ARHGEF40: variants seen among roughly 807,000 people sequenced by gnomAD.
ARHGEF40 encodes Rho guanine nucleotide exchange factor 40, also known as Rho guanine nucleotide exchange factor (GEF) 40.
Under a neutral mutation model 165.9 loss-of-function variants are expected in ARHGEF40, and 98 were observed. That is an observed-to-expected ratio of 0.59 (90% CI 0.50 to 0.70). The LOEUF is 0.70. Ranked by LOEUF, ARHGEF40 falls within the 30% of genes least tolerant of loss-of-function variation. The pLI is 0.00. For missense variants in ARHGEF40, 1,815 were observed against 1,968.0 expected (o/e 0.92, Z 1.47); for synonymous variants, 792 against 814.3 (o/e 0.97, Z 0.47).
At position 21,075,093 on chromosome 14, in the gene ARHGEF40, G is replaced by C; in HGVS notation, c.1363G>C (p.Glu455Gln). 6.2e-7 allele frequency: 1 copy of C among 1,614,082 alleles called. No homozygotes were observed. The highest frequency in any genetic ancestry group is 1.1e-5 in the South Asian group (1 of 91,080). The stretch of plus-strand genomic sequence containing the variant: ...AGAGCTCAAAACAGCAGGCGAGAAA[G>C]AGCCTCAGCTCTCTGAAGCCTGTGG... ...PKELKTAGEK[E>Q]PQLSEACGPT... is the part of the protein sequence containing the mutation. The change falls in exon 3 of 24, where the codon GAG (glutamate) becomes CAG (glutamine). Residue 455 changes from glutamate to glutamine, a missense_variant. Physicochemically the swap from Glu to Gln is conservative, Grantham distance 29. Coordinates refer to ENST00000298694, the MANE Select transcript of ARHGEF40 (RefSeq NM_018071.5). This position sits in a 1 kb window ranked among gnomAD's most constrained non-coding sequence, Gnocchi z 4.5.
Position 21,075,853 on chromosome 14 carries a change from C to G in ARHGEF40, c.1739+88C>G. On this transcript the variant is annotated intron_variant, in intron 5 of 23. Transcript: ENST00000298694. The surrounding 1 kb of genome is among the most constrained non-coding windows in gnomAD (Gnocchi z 4.5). ...TCCTTCTTCTCAGGACACTGACCTT[C>G]TGACCTCTAAGGACACCTACTTCTT... The G allele has an allele frequency of 6.6e-7, 1 of 1,516,470 alleles. No individual in the cohort carries two copies. Among genetic ancestry groups the G allele is most frequent in the Non-Finnish European group, 8.9e-7 (1 of 1,121,750 alleles). The allele number at this position is 1,516,470 out of a possible 1,614,324, so 93.9% of individuals were successfully genotyped here. A position where few individuals can be genotyped will look rare whatever the true frequency, so the allele number is the denominator to read the frequency against.
intron 7 of ARHGEF40, 60 bp from the exon 8 acceptor site, chr14:21,076,714 C>T: frequency 6.2e-7 from 1 of 1,609,804 alleles, no homozygotes; most frequent in African/African-American, 1.3e-5. Context: ...GCTGGAGCCC[C>T]AGGCTGGTTT....
At position 21,072,888 on chromosome 14, in the gene ARHGEF40, C is replaced by G. The variant is rs1450699454; in HGVS notation, c.4-157C>G. Among the ~76,000 whole-genome samples, 1 of 152,246 alleles carries G rather than the reference C, an allele frequency of 6.6e-6. No individual in the cohort carries two copies. Among genetic ancestry groups the G allele is most frequent in the Non-Finnish European group, 1.5e-5 (1 of 68,046 alleles). Reference sequence around the variant, plus strand: ...ACTCTGGCCCAGCCCCACTCCTGTTCTGGGCTCATCAGCCAGCATTTCCTG... The same window carrying G: ...ACTCTGGCCCAGCCCCACTCCTGTTGTGGGCTCATCAGCCAGCATTTCCTG... On this transcript the variant is annotated intron_variant, in intron 1 of 23. Transcript: ENST00000298694. This position sits in a 1 kb window ranked among gnomAD's most constrained non-coding sequence, Gnocchi z 4.1.
At chr14:21,085,994 C>G in intron 19 of ARHGEF40, 128 bp downstream of exon 19, 3 of 1,097,376 alleles carry the variant, frequency 2.7e-6, no homozygotes, top group East Asian at 5.2e-5. Flanking sequence ...TAATAAGATT[C>G]AAGATTTGGC....
At position 21,087,384 on chromosome 14, in the gene ARHGEF40, C is replaced by A; in HGVS notation, c.4308C>A (p.Gly1436=). The change falls in exon 21 of 24, where the codon GGC becomes GGA. Residue 1436 remains glycine, a synonymous_variant. Transcript: ENST00000298694. ...AGCATGCCGGCCCCTCCCTTCCCGG[C>A]CTTTCGCCGGGAGCCTGCTCCCTGC... The part of the protein sequence containing the change: ...SFEHAGPSLP[G]LSPGACSLPA... The A allele has an allele frequency of 1.9e-6, 3 of 1,603,864 alleles. No homozygotes were observed. Among genetic ancestry groups the A allele is most frequent in the Non-Finnish European group, 2.5e-6 (3 of 1,179,872 alleles).
In ARHGEF40 at chr14:21,088,032, A is replaced by AC. The variant is rs758492903; in HGVS notation, c.4459dup (p.His1487ProfsTer28). On this transcript the variant is annotated frameshift_variant, in exon 22 of 24. Coordinates refer to ENST00000298694, the MANE Select transcript of ARHGEF40 (RefSeq NM_018071.5). LOFTEE classifies it high-confidence loss of function. The stretch of plus-strand genomic sequence containing the variant: ...GACCAAGAAACAGCCCCAGCCTGCA[A>AC]CCCCCCCACCCTGGGAGCAGCACTC... The AC allele has an allele frequency of 2.5e-5, 41 of 1,612,774 alleles. No individual in the cohort carries two copies. Among genetic ancestry groups the AC allele is most frequent in the African/African-American group, 1.2e-4 (9 of 74,480 alleles).
rs760036292 is a variant in ARHGEF40 at position 21,075,715 on chromosome 14, C to A, written c.1689C>A (p.Pro563=). The A allele has an allele frequency of 6.2e-7, 1 of 1,613,824 alleles. No individual in the cohort carries two copies. Among genetic ancestry groups the A allele is most frequent in the East Asian group, 2.2e-5 (1 of 44,882 alleles). Reference sequence around the variant, plus strand: ...CGTGCCCTCCTGAGGAGCCCCCACCCTCCCGAGACACGCTGAACACAACTC... The same window carrying A: ...CGTGCCCTCCTGAGGAGCCCCCACCATCCCGAGACACGCTGAACACAACTC... ...TPPCPPEEPP[P]SRDTLNTTLH... The change falls in exon 5 of 24, where the codon CCC becomes CCA. Residue 563 remains proline, a synonymous_variant. Coordinates refer to ENST00000298694, the MANE Select transcript of ARHGEF40 (RefSeq NM_018071.5). This position sits in a 1 kb window ranked among gnomAD's most constrained non-coding sequence, Gnocchi z 4.5.
At chr14:21,076,331 A>G in intron 5 of ARHGEF40, 29 bp from the exon 6 acceptor site, 1 of 1,592,264 alleles carries the variant, frequency 6.3e-7, no homozygotes, top group South Asian at 1.1e-5. Context: ...CACACACAGC[A>G]GCCTCCTTGG....
intron 18 of ARHGEF40, among the ~76,000 whole-genome samples, chr14:21,085,456 A>G (rs1056094715): frequency 9.2e-5 from 14 of 151,438 alleles, no homozygotes; most frequent in African/African-American, 3.2e-4. Flanking sequence ...TCCGGCTCTA[A>G]TAAGCTGTGA....
At chr14:21,080,464 A>G (rs985811348) in intron 11 of ARHGEF40, among the ~76,000 whole-genome samples, 196 bp from the exon 12 acceptor site, 1 of 152,100 alleles carries the variant, frequency 6.6e-6, no homozygotes, top group African/African-American at 2.4e-5. Context: ...GCCTTACCAA[A>G]GATTTCTTAC....
At position 21,074,283 on chromosome 14, in the gene ARHGEF40, C is replaced by T. The variant is rs767399539; in HGVS notation, c.553C>T (p.Arg185Ter). The change falls in exon 3 of 24, where the codon CGA (arginine) becomes TGA (stop). Residue 185 changes from arginine (R) to a stop codon, truncating the protein, a stop_gained. Transcript: ENST00000298694. LOFTEE classifies it high-confidence loss of function. This position sits in a 1 kb window ranked among gnomAD's most constrained non-coding sequence, Gnocchi z 4.8. ...GCCCTGGGCTGAGCTCATCTGTCCA[C>T]GATTTGTGCACAAAGAGGGCCTCAT... Reference protein sequence around the residue: ...RLPWAELICPRFVHKEGLMVG... With the variant: ...RLPWAELICP The T allele has an allele frequency of 6.2e-6, 10 of 1,614,038 alleles. No homozygotes were observed. Among genetic ancestry groups the T allele is most frequent in the East Asian group, 2.2e-5 (1 of 44,892 alleles).
chr14:21,080,341 C>T (rs1887796109), intron 11 of ARHGEF40, among the ~76,000 whole-genome samples: 1 of 151,978 alleles, frequency 6.6e-6, no homozygotes, highest in Non-Finnish European at 1.5e-5. Context: ...TCCCTATGAC[C>T]CTCATCCTGC....
At chr14:21,076,970 C>G in intron 8 of ARHGEF40, 80 bp downstream of exon 8, 1 of 1,206,378 alleles carries the variant, frequency 8.3e-7, no homozygotes, top group Non-Finnish European at 1.2e-6. Context: ...GAGGCCATGT[C>G]CAGGACATAC....
rs1177676518 is a variant in ARHGEF40, at chr14:21,073,429, T to C, written c.201+187T>C. On this transcript the variant is annotated intron_variant, in intron 2 of 23. Transcript: ENST00000298694. This position sits in a 1 kb window ranked among gnomAD's most constrained non-coding sequence, Gnocchi z 4.6. ...CTTTGACCTTCACAGGCACTGACCATTCAGATGCTAACACACACACACACA... is the reference window on the plus strand; with the variant it reads ...CTTTGACCTTCACAGGCACTGACCACTCAGATGCTAACACACACACACACA... Among the ~76,000 whole-genome samples the C allele has an allele frequency of 8.4e-5, 12 of 142,526 alleles. No individual in the cohort carries two copies. In the Admixed American group the frequency reaches 9.0e-4, roughly 11 times the overall value. 93.5% of individuals were successfully genotyped at this position (142,526 alleles called of 152,430 possible).
Position 21,075,903 on chromosome 14 carries a change from A to T in ARHGEF40, c.1739+138A>T, listed in dbSNP as rs1417185458. The stretch of plus-strand genomic sequence containing the variant: ...TCAACCTTCAGACTTCAAGCCATTG[A>T]CCTTTGGCCTTACTTACCCTGACCT... On this transcript the variant is annotated intron_variant, in intron 5 of 23. Coordinates refer to ENST00000298694, the MANE Select transcript of ARHGEF40 (RefSeq NM_018071.5). The surrounding 1 kb of genome is among the most constrained non-coding windows in gnomAD (Gnocchi z 4.5). 4.9e-5 allele frequency: 56 copies of T among 1,140,514 alleles called. No individual in the cohort carries two copies. The highest frequency in any genetic ancestry group is 6.7e-5 in the Non-Finnish European group (55 of 824,226). The allele number at this position is 1,140,514 out of a possible 1,614,324, so 70.6% of individuals were successfully genotyped here.
Position 21,075,228 on chromosome 14 carries a change from C to A in ARHGEF40, c.1450+48C>A, listed in dbSNP as rs372453763. 1.2e-5 allele frequency: 19 copies of A among 1,583,654 alleles called. No individual in the cohort carries two copies. Among genetic ancestry groups the A allele is most frequent in the African/African-American group, 1.1e-4 (8 of 74,250 alleles). ...TCATGGGGCAAGGGCCAAAGCAGGT[C>A]GGGCCTATGGGAGGGGGCAGGAGGA... is the stretch of plus-strand genomic sequence containing the variant. On this transcript the variant is annotated intron_variant, in intron 3 of 23. Coordinates refer to ENST00000298694, the MANE Select transcript of ARHGEF40 (RefSeq NM_018071.5). This position sits in a 1 kb window ranked among gnomAD's most constrained non-coding sequence, Gnocchi z 4.5.
chr14:21,081,246 A>C, intron 13 of ARHGEF40: 1 of 807,224 alleles, frequency 1.2e-6, no homozygotes. Context: ...TACACGAGGC[A>C]ATACATAAAA....
chr14:21,081,418 C>G, intron 13 of ARHGEF40, 91 bp from the exon 14 acceptor site: 1 of 1,526,296 alleles, frequency 6.6e-7, no homozygotes, highest in African/African-American at 1.4e-5. Context: ...AGGCCACAGG[C>G]AAGAGGACAA....
intron 16 of ARHGEF40, among the ~76,000 whole-genome samples, chr14:21,083,384 CAAAA>C (rs59831663): frequency 7.8e-6 from 1 of 128,024 alleles, no homozygotes; most frequent in African/African-American, 2.8e-5. Context: ...ACTAGAAATA[CAAAA>C]AAAAAAAAAA....
Sources: gnomAD v4.1 joint callset for allele counts (sites outside exome capture counted in the v4.1 genomes callset) on GRCh38, gnomAD v4.1.1 for gene constraint, Gnocchi (gnomAD v3.1) non-coding constraint, MANE v1.5 for transcripts, NCBI Gene and HGNC (gene_info 2026-07-23, HGNC 2026-07-21) for gene names.